Variants in PCNX1 observed in about 807,000 individuals in gnomAD.
PCNX1 encodes the protein pecanex-like protein 1.
In PCNX1, 78 loss-of-function variants were observed where a neutral mutation model predicts 242.2. That is an observed-to-expected ratio of 0.32 (90% CI 0.27 to 0.39). PCNX1 has a LOEUF of 0.39. Among genes scored for constraint, PCNX1 ranks in the 10% least tolerant of loss-of-function variants. The pLI is 1.00. For synonymous variants in PCNX1, 1,024 were observed against 1,032.9 expected (o/e 0.99, Z 0.17); for missense variants, 2,581 against 2,856.5 (o/e 0.90, Z 2.20).
intron 5 of PCNX1, among the ~76,000 whole-genome samples, chr14:70,972,302 A>G (rs964932714): frequency 1.3e-5 from 2 of 152,080 alleles, no homozygotes; most frequent in African/African-American, 4.8e-5. Context: ...AGGGCCTATC[A>G]GGTGCTGTTA....
chr14:70,926,580 A>G (rs182662252), intron 1 of PCNX1, among the ~76,000 whole-genome samples: 2 of 152,216 alleles, frequency 1.3e-5, no homozygotes, highest in African/African-American at 4.8e-5. Context: ...GTAGAAACCA[A>G]GGGGATTTTA....
chr14:71,032,709 G>T (rs1341002093), intron 16 of PCNX1, among the ~76,000 whole-genome samples: 1 of 152,172 alleles, frequency 6.6e-6, no homozygotes, highest in Non-Finnish European at 1.5e-5. Context: ...AGTATTGTCT[G>T]CCTCACAGGA....
At chr14:71,066,603 T>G (rs1237295679) in intron 26 of PCNX1, among the ~76,000 whole-genome samples, 2 of 152,200 alleles carry the variant, frequency 1.3e-5, no homozygotes, top group Non-Finnish European at 2.9e-5. Flanking sequence ...CCTTTATTTC[T>G]TTCTCTTGGC....
At chr14:70,950,904 A>G (rs965762988) in intron 2 of PCNX1, among the ~76,000 whole-genome samples, 1 of 151,726 alleles carries the variant, frequency 6.6e-6, no homozygotes, top group African/African-American at 2.4e-5. Context: ...TTTATTTGTC[A>G]GTGTCTTTAT....
rs149668062 is a variant in PCNX1, at chr14:71,103,539, A to G, written c.5965A>G (p.Ile1989Val). The G allele has an allele frequency of 5.3e-5, 85 of 1,614,016 alleles. No homozygotes were observed. Among genetic ancestry groups the G allele is most frequent in the Non-Finnish European group, 6.8e-5 (80 of 1,180,020 alleles). Reference sequence around the variant, plus strand: ...GATAAACTCATCTTGTGATCAACCTATTGGCTACCCAATCTTTGTCTCACC... The same window carrying G: ...GATAAACTCATCTTGTGATCAACCTGTTGGCTACCCAATCTTTGTCTCACC... ...NMINSSCDQP[I>V]GYPIFVSPLT... The change falls in exon 32 of 36, where the codon ATT (isoleucine) becomes GTT (valine). Residue 1989 changes from isoleucine to valine, a missense_variant. Ile to Val is a conservative substitution (Grantham distance 29, BLOSUM62 3). This residue lies in a region of PCNX1 where 298 missense variants were observed against 480.1 expected (regional missense o/e 0.62). Transcript: ENST00000304743.
intron 2 of PCNX1, among the ~76,000 whole-genome samples, chr14:70,947,403 T>C (rs932306536): frequency 6.6e-6 from 1 of 152,204 alleles, no homozygotes; most frequent in Non-Finnish European, 1.5e-5. Context: ...AGGGACCAGC[T>C]GAAGCCATGG....
intron 30 of PCNX1, among the ~76,000 whole-genome samples, chr14:71,094,946 T>C (rs1047442858): frequency 1.3e-5 from 2 of 152,124 alleles, no homozygotes; most frequent in Non-Finnish European, 2.9e-5. Flanking sequence ...AAAACCCCAA[T>C]AAGAAACTGT....
At chr14:71,093,960 CTA>C (rs1336473466) in intron 30 of PCNX1, 2 of 152,062 alleles carry the variant, frequency 1.3e-5, no homozygotes, top group African/African-American at 4.8e-5. Context: ...TGTTAATTGA[CTA>C]TGTTATTAGT....
At chr14:70,910,901 A>G (rs1056792111) in intron 1 of PCNX1, among the ~76,000 whole-genome samples, 1 of 152,214 alleles carries the variant, frequency 6.6e-6, no homozygotes, top group Non-Finnish European at 1.5e-5. Flanking sequence ...TGTTACTGTT[A>G]GAACTGCTAG....
In PCNX1 at chr14:71,073,536, C is replaced by T; in HGVS notation, c.4853-9C>T. 1 of 1,594,524 alleles carries T rather than the reference C, an allele frequency of 6.3e-7. No homozygotes were observed. The highest frequency in any genetic ancestry group is 8.6e-7 in the Non-Finnish European group (1 of 1,167,382). ...TCCCCCTTTGTAAAGCTCTCTCTCTCTCTCTAAGGTACCTACTGTCAACAA... is the reference window on the plus strand; with the variant it reads ...TCCCCCTTTGTAAAGCTCTCTCTCTTTCTCTAAGGTACCTACTGTCAACAA... On this transcript the variant is annotated splice_polypyrimidine_tract_variant and intron_variant, in intron 26 of 35. Transcript: ENST00000304743.
intron 27 of PCNX1, 27 bp from the exon 28 acceptor site, chr14:71,076,162 C>CTT: frequency 2.2e-5 from 26 of 1,167,066 alleles, no homozygotes; most frequent in South Asian, 5.7e-5. Context: ...AATCTGAATT[C>CTT]TTTTTTTTTT....
chr14:70,936,586 A>C (rs113125578), intron 1 of PCNX1, among the ~76,000 whole-genome samples: 3 of 152,216 alleles, frequency 2.0e-5, no homozygotes, highest in African/African-American at 7.2e-5. Flanking sequence ...TACTGCATTA[A>C]ACATACGTGT....
At chr14:70,956,637 CCTTAT>C (rs1256564056) in intron 2 of PCNX1, among the ~76,000 whole-genome samples, 1 of 152,006 alleles carries the variant, frequency 6.6e-6, no homozygotes, top group African/African-American at 2.4e-5. Context: ...GGTTTTTGAG[CCTTAT>C]CTTAGGCCAT....
chr14:70,953,664 C>CTT (rs33967128), intron 2 of PCNX1, among the ~76,000 whole-genome samples: 2 of 114,936 alleles, frequency 1.7e-5, no homozygotes, highest in East Asian at 2.5e-4. Context: ...TTTTTTCTTT[C>CTT]TTTTTTTTTT....
chr14:71,035,321 A>G (rs1333737202), intron 18 of PCNX1, among the ~76,000 whole-genome samples: 1 of 152,238 alleles, frequency 6.6e-6, no homozygotes, highest in Non-Finnish European at 1.5e-5. Flanking sequence ...CTTCATTCTA[A>G]AAGACTTTAT....
At chr14:71,015,018 C>T (rs191970075) in intron 11 of PCNX1, among the ~76,000 whole-genome samples, 9 of 151,972 alleles carry the variant, frequency 5.9e-5, no homozygotes, top group South Asian at 2.1e-4. Context: ...TTGGAAATAA[C>T]GAAGTGAAAA....
chr14:70,992,483 CAT>C (rs1416842351), intron 7 of PCNX1, among the ~76,000 whole-genome samples: 1 of 151,960 alleles, frequency 6.6e-6, no homozygotes, highest in African/African-American at 2.4e-5. Context: ...AATATAGAGA[CAT>C]ATAAGAATAA....
At chr14:71,087,271 A>G (rs1159936030) in intron 28 of PCNX1, among the ~76,000 whole-genome samples, 2 of 152,192 alleles carry the variant, frequency 1.3e-5, no homozygotes, top group African/African-American at 4.8e-5. Context: ...TGATGAAACT[A>G]GAGTACGTGC....
chr14:70,977,420 T>C lies in PCNX1; in HGVS notation c.1083T>C (p.Pro361=), dbSNP rs751444913. The C allele has an allele frequency of 1.1e-5, 17 of 1,613,948 alleles. No homozygotes were observed. The Admixed American group carries it at 1.8e-4, about 17-fold the overall frequency. The change falls in exon 6 of 36, where the codon CCT becomes CCC. Residue 361 remains proline, a synonymous_variant. Coordinates refer to ENST00000304743, the MANE Select transcript of PCNX1 (RefSeq NM_014982.3). ...QPPTKSGKSK[P]LKAEKSMDSL... ...CCACAAAAAGTGGGAAGAGCAAACC[T>C]TTGAAAGCAGAGAAAAGCATGGACA... is the stretch of plus-strand genomic sequence containing the variant.
Sources: allele counts gnomAD v4.1 joint callset (sites outside exome capture counted in the v4.1 genomes callset), GRCh38; gene constraint gnomAD v4.1.1; regional missense constraint gnomAD v4.1.1; transcripts MANE v1.5; gene names NCBI Gene and HGNC (gene_info 2026-07-23, HGNC 2026-07-21).